PRKAR1B: variants seen among roughly 807,000 people sequenced by gnomAD.
The protein encoded by PRKAR1B is cAMP-dependent protein kinase type I-beta regulatory subunit.
PRKAR1B carries 22 observed loss-of-function variants against 46.5 expected under a neutral mutation model. The observed-to-expected ratio is 0.47, with a 90% confidence interval of 0.34 to 0.68. The LOEUF is 0.68. Ranked by LOEUF, PRKAR1B falls within the 30% of genes least tolerant of loss-of-function variation. The pLI is 0.01. For missense variants in PRKAR1B, 445 were observed against 535.6 expected (o/e 0.83, Z 1.67); for synonymous variants, 259 against 217.7 (o/e 1.19, Z -1.67).
chr7:599,668 C>T (rs981744544), intron 6 of PRKAR1B, among the ~76,000 whole-genome samples: 6 of 152,274 alleles, frequency 3.9e-5, no homozygotes, highest in Admixed American at 6.5e-5. Context: ...GCTTCTCTGG[C>T]GCCGAGCTCA....
At chr7:631,586 G>A (rs1365275583) in intron 4 of PRKAR1B, among the ~76,000 whole-genome samples, 2 of 152,224 alleles carry the variant, frequency 1.3e-5, no homozygotes, top group East Asian at 1.9e-4. Context: ...AAAAGCCGGG[G>A]CACGGTGTGC....
At chr7:565,372 C>T (rs1779064373) in intron 9 of PRKAR1B, 1 of 152,254 alleles carries the variant, frequency 6.6e-6, no homozygotes, top group South Asian at 2.1e-4. Context: ...TGGGTGCAGC[C>T]ACAGCCAGCT....
chr7:599,668 C>G (rs981744544), intron 6 of PRKAR1B, among the ~76,000 whole-genome samples: 2 of 152,274 alleles, frequency 1.3e-5, no homozygotes. Context: ...GCTTCTCTGG[C>G]GCCGAGCTCA....
chr7:588,788 G>C, intron 7 of PRKAR1B, among the ~76,000 whole-genome samples: 1 of 122,070 alleles, frequency 8.2e-6, no homozygotes, highest in African/African-American at 3.6e-5. Flanking sequence ...TGGTGATGGT[G>C]GTGAGGATAG....
chr7:718,705 A>G (rs147835747), intron 1 of PRKAR1B, among the ~76,000 whole-genome samples: 1 of 151,544 alleles, frequency 6.6e-6, no homozygotes, highest in African/African-American at 2.4e-5. Context: ...CCCTTCAAAT[A>G]CCTCCTACTT....
chr7:588,887 A>AGTG (rs1222486284), intron 7 of PRKAR1B, among the ~76,000 whole-genome samples: 1 of 1,588 alleles, frequency 6.3e-4, no homozygotes, highest in African/African-American at 5.6e-3. Flanking sequence ...GGATAGTGAC[A>AGTG]GTGGTGGTGA....
intron 4 of PRKAR1B, among the ~76,000 whole-genome samples, chr7:657,575 G>C (rs1246024970): frequency 6.6e-6 from 1 of 152,238 alleles, no homozygotes; most frequent in Non-Finnish European, 1.5e-5. Flanking sequence ...GTGGTGGACA[G>C]GAATGAGGGG....
In PRKAR1B at chr7:677,339, A is replaced by G. The variant is rs368034341; in HGVS notation, c.349-19T>C. The stretch of plus-strand genomic sequence containing the variant: ...GAATCACCTGAAGCGGAGCCAACAC[A>G]TCACCGTGTGAGCCACCCTGGCCTG... On this transcript the variant is annotated intron_variant, in intron 3 of 10. Coordinates refer to ENST00000537384, the MANE Select transcript of PRKAR1B (RefSeq NM_001164760.2). 1.4e-5 allele frequency: 22 copies of G among 1,611,992 alleles called. No individual in the cohort carries two copies. The African/African-American group carries it at 1.7e-4, about 13-fold the overall frequency.
At chr7:685,327 CGTATAT>C (rs1937858752) in intron 2 of PRKAR1B, among the ~76,000 whole-genome samples, 2 of 50,820 alleles carry the variant, frequency 3.9e-5, no homozygotes, top group Non-Finnish European at 7.2e-5. Context: ...CGTATATATA[CGTATAT>C]ATACGTATAT....
chr7:694,568 G>A (rs1204950883), intron 2 of PRKAR1B, among the ~76,000 whole-genome samples: 1 of 152,102 alleles, frequency 6.6e-6, no homozygotes, highest in Admixed American at 6.5e-5. Flanking sequence ...TTTAAAGCCT[G>A]TTTCAATGCC....
intron 8 of PRKAR1B, among the ~76,000 whole-genome samples, chr7:579,965 G>C (rs919183946): frequency 6.6e-6 from 1 of 151,988 alleles, no homozygotes; most frequent in African/African-American, 2.4e-5. Context: ...AGGCATGCTG[G>C]TGTGTACCTG....
intron 1 of PRKAR1B, among the ~76,000 whole-genome samples, chr7:726,086 TTC>T (rs1344329267): frequency 2.0e-5 from 3 of 150,424 alleles, no homozygotes; most frequent in African/African-American, 2.5e-5. Flanking sequence ...TGCAGCCAGT[TTC>T]TGCATGCAGC....
At position 563,582 on chromosome 7, in the gene PRKAR1B, G is replaced by A. The variant is rs557991760; in HGVS notation, c.892-12112C>T. On this transcript the variant is annotated intron_variant, in intron 9 of 10. Transcript: ENST00000537384. ...CACGTGTGAGTGCGTGCACAGGTGTGTGTATGGGTGTGTTATTGTGTGCAC... is the reference window on the plus strand; with the variant it reads ...CACGTGTGAGTGCGTGCACAGGTGTATGTATGGGTGTGTTATTGTGTGCAC... 1.3e-4 allele frequency among the ~76,000 whole-genome samples: 20 copies of A among 152,272 alleles called. No homozygotes were observed. The South Asian group carries it at 4.1e-3, about 32-fold the overall frequency.
At chr7:718,158 A>G (rs1053637587) in intron 1 of PRKAR1B, among the ~76,000 whole-genome samples, 5 of 151,702 alleles carry the variant, frequency 3.3e-5, no homozygotes, top group African/African-American at 1.2e-4. Flanking sequence ...CAGCCCCAGC[A>G]TGGATTGCAG....
chr7:691,733 A>C, intron 2 of PRKAR1B: 1 of 1,241,956 alleles, frequency 8.1e-7, no homozygotes, highest in Admixed American at 2.5e-5. Flanking sequence ...CGGGGAGGGG[A>C]ATCCAGGGTG....
intron 4 of PRKAR1B, among the ~76,000 whole-genome samples, chr7:628,619 C>T (rs1265573553): frequency 6.6e-6 from 1 of 152,206 alleles, no homozygotes; most frequent in East Asian, 1.9e-4. Context: ...TGGGGGCTGT[C>T]AGGATTGGAC....
At chr7:615,455 A>G (rs1471685559) in intron 4 of PRKAR1B, among the ~76,000 whole-genome samples, 1 of 151,508 alleles carries the variant, frequency 6.6e-6, no homozygotes, top group African/African-American at 2.4e-5. Flanking sequence ...ATAAAAAATA[A>G]AAAAGACAGA....
intron 4 of PRKAR1B, among the ~76,000 whole-genome samples, chr7:636,459 GA>G (rs1419066218): frequency 2.7e-5 from 4 of 149,428 alleles, no homozygotes; most frequent in South Asian, 2.1e-4. Context: ...TCCTCCACCG[GA>G]CTGTGCCCAC....
At chr7:627,366 C>T (rs1269182058) in intron 4 of PRKAR1B, among the ~76,000 whole-genome samples, 2 of 152,138 alleles carry the variant, frequency 1.3e-5, no homozygotes, top group African/African-American at 4.8e-5. Flanking sequence ...CCTAAGAGCT[C>T]ACAGGGTCCT....
Sources: gnomAD v4.1 joint callset for allele counts (sites outside exome capture counted in the v4.1 genomes callset) on GRCh38, gnomAD v4.1.1 for gene constraint, MANE v1.5 for transcripts, NCBI Gene and HGNC (gene_info 2026-07-23, HGNC 2026-07-21) for gene names.